The following CIROP variants were observed in gnomAD, a reference collection of about 807,000 sequenced individuals.
CIROP encodes the protein ciliated left-right organizer metallopeptidase.
the CIROP span, chr14:23,102,210 A>C: frequency 2.8e-6 from 2 of 703,062 alleles, no homozygotes; most frequent in Non-Finnish European, 5.2e-6. Flanking sequence ...CAAAGGTAGC[A>C]GTCATTAAAG....
chr14:23,103,286 C>T, the CIROP span: 8 of 394,786 alleles, frequency 2.0e-5, no homozygotes, highest in East Asian at 2.3e-4. Context: ...TGGTGGCTCA[C>T]GCCTGTAATC....
chr14:23,102,002 A>G, the CIROP span: 1 of 701,020 alleles, frequency 1.4e-6, no homozygotes, highest in South Asian at 1.5e-5. Flanking sequence ...TCGATTATAC[A>G]TCAGCAACAG....
At chr14:23,100,523 T>G in the CIROP span, 1 of 413,184 alleles carries the variant, frequency 2.4e-6, no homozygotes. Context: ...TGTGGTAAAG[T>G]TGGCTCCTCC....
chr14:23,104,883 G>GGCGGCAGCAGCAGCAGCA, the CIROP span: 2 of 650,190 alleles, frequency 3.1e-6, no homozygotes, highest in Non-Finnish European at 5.6e-6. Context: ...GAGGACTAGT[G>GGCGGCAGCAGCAGCAGCA]GCGGCAGCAG....
At chr14:23,103,228 G>A in the CIROP span, 1 of 417,486 alleles carries the variant, frequency 2.4e-6, no homozygotes, top group Non-Finnish European at 4.2e-6. Context: ...CATTCCCTAA[G>A]TTATCCCAAA....
At chr14:23,099,642 C>T in the CIROP span, 1 of 371,696 alleles carries the variant, frequency 2.7e-6, no homozygotes, top group Non-Finnish European at 4.8e-6. Context: ...TCACCGTAAT[C>T]TCCGCCTCCC....
the CIROP span, chr14:23,103,144 C>T: frequency 2.2e-6 from 1 of 445,234 alleles, no homozygotes. Flanking sequence ...GACCAGGGGA[C>T]TCTGCAGAAC....
chr14:23,103,734 G>C, the CIROP span: 22 of 702,860 alleles, frequency 3.1e-5, no homozygotes, highest in African/African-American at 7.0e-5. Context: ...TCAGTGTTTT[G>C]GACCCCAGGC....
chr14:23,103,815 G>A, the CIROP span: 1 of 702,492 alleles, frequency 1.4e-6, no homozygotes, highest in South Asian at 1.5e-5. Context: ...TGGGTGTCAG[G>A]AATCTGGCAG....
the CIROP span, chr14:23,102,756 C>G: frequency 8.5e-6 from 6 of 702,646 alleles, no homozygotes; most frequent in Non-Finnish European, 1.6e-5. Flanking sequence ...GAATTTGCAG[C>G]AGGATTGACC....
At chr14:23,102,080 C>G in the CIROP span, 1 of 702,998 alleles carries the variant, frequency 1.4e-6, no homozygotes, top group Non-Finnish European at 2.6e-6. Context: ...GCAGGTCTCC[C>G]TTATTCCTCA....
chr14:23,102,243 C>T, the CIROP span: 3 of 702,942 alleles, frequency 4.3e-6, no homozygotes, highest in Non-Finnish European at 7.8e-6. Flanking sequence ...GTCTGGCCTC[C>T]CAGTGCGAGG....
chr14:23,101,633 C>A, the CIROP span: 2 of 702,944 alleles, frequency 2.8e-6, no homozygotes, highest in Non-Finnish European at 5.2e-6. Context: ...CTTCCAGACC[C>A]ACTCAGTTTC....
At chr14:23,102,278 G>A in the CIROP span, 1 of 702,752 alleles carries the variant, frequency 1.4e-6, no homozygotes, top group South Asian at 1.5e-5. Context: ...TGGAGGAGGT[G>A]GCAGATGGCT....
At chr14:23,104,314 T>C in the CIROP span, 9 of 696,770 alleles carry the variant, frequency 1.3e-5, no homozygotes, top group African/African-American at 1.6e-4. Context: ...TGAAGATCTG[T>C]AGGTGAGCTG....
At chr14:23,103,531 G>A in the CIROP span, 1 of 594,986 alleles carries the variant, frequency 1.7e-6, no homozygotes, top group Non-Finnish European at 3.0e-6. Flanking sequence ...TCCAGCCTGG[G>A]CAACAGAGTG....
chr14:23,104,530 G>A, the CIROP span: 337 of 702,580 alleles, frequency 4.8e-4, no homozygotes, highest in African/African-American at 5.4e-3. Flanking sequence ...TTCTCTTTCT[G>A]GGCTGATCTT....
At chr14:23,104,749 C>A in the CIROP span, 8 of 702,828 alleles carry the variant, frequency 1.1e-5, no homozygotes, top group Non-Finnish European at 2.1e-5. Context: ...GGTTGAGGAT[C>A]ACGGGAGCTA....
the CIROP span, chr14:23,100,838 T>A: frequency 2.5e-6 from 1 of 399,064 alleles, no homozygotes; most frequent in Non-Finnish European, 4.4e-6. Context: ...GTATAAATAC[T>A]CAAGCTTTTA....
Sources: gnomAD v4.1 joint callset for allele counts on GRCh38, gnomAD v4.1.1 for gene constraint, MANE v1.5 for transcripts, NCBI Gene and HGNC (gene_info 2026-07-23, HGNC 2026-07-21) for gene names.